The following CTNNA1 variants were observed in gnomAD, a reference collection of about 807,000 sequenced individuals.
The protein encoded by CTNNA1 is catenin alpha-1.
Under a neutral mutation model 98.4 loss-of-function variants are expected in CTNNA1, and 37 were observed. The ratio of observed to expected loss-of-function variants is 0.38; its 90% CI spans 0.29 to 0.49. CTNNA1 has a LOEUF of 0.49. Among genes scored for constraint, CTNNA1 ranks in the 20% least tolerant of loss-of-function variants. The probability of loss-of-function intolerance (pLI) is 0.95; values close to 1 mark genes in which losing one functional copy is unlikely to be tolerated. For synonymous variants in CTNNA1, 404 were observed against 413.2 expected (o/e 0.98, Z 0.27); for missense variants, 761 against 1,147.2 (o/e 0.66, Z 4.86).
At chr5:138,878,702 A>G (rs1004997290) in intron 7 of CTNNA1, among the ~76,000 whole-genome samples, 8 of 152,284 alleles carry the variant, frequency 5.3e-5, no homozygotes, top group Admixed American at 3.9e-4. Flanking sequence ...GGAGAAGCAA[A>G]TGTACAGATA....
intron 9 of CTNNA1, among the ~76,000 whole-genome samples, chr5:138,897,639 G>C (rs778211133): frequency 8.5e-5 from 13 of 152,086 alleles, no homozygotes; most frequent in Non-Finnish European, 1.3e-4. Context: ...AGCTGTCCTT[G>C]GGGAGAATGC....
At chr5:138,849,256 CCTCT>C (rs1487109353) in intron 7 of CTNNA1, among the ~76,000 whole-genome samples, 6 of 152,014 alleles carry the variant, frequency 3.9e-5, no homozygotes, top group Admixed American at 2.6e-4. Flanking sequence ...AGTTGTATTT[CCTCT>C]CTATTTTTTT....
intron 3 of CTNNA1, among the ~76,000 whole-genome samples, chr5:138,790,441 T>G (rs559856800): frequency 6.6e-6 from 1 of 152,364 alleles, no homozygotes; most frequent in South Asian, 2.1e-4. Flanking sequence ...TTTGTGTTCA[T>G]TAATCACACG....
intron 5 of CTNNA1, among the ~76,000 whole-genome samples, chr5:138,812,669 T>C (rs556834655): frequency 6.6e-6 from 1 of 152,218 alleles, no homozygotes; most frequent in Non-Finnish European, 1.5e-5. Flanking sequence ...ACTGGAATTA[T>C]CTCTGTATCA....
Position 138,934,103 on chromosome 5 carries a change from G to A in CTNNA1, c.*14G>A, listed in dbSNP as rs368604741. 1.1e-4 allele frequency: 179 copies of A among 1,601,706 alleles called. No homozygotes were observed. Among genetic ancestry groups the A allele is most frequent in the Non-Finnish European group, 1.4e-4 (163 of 1,174,068 alleles). ...GACAGCATCTAAGTCTGCCCAGGCCGGCCGCCCCCACCCCTCGGGGCTCCT... is the reference window on the plus strand; with the variant it reads ...GACAGCATCTAAGTCTGCCCAGGCCAGCCGCCCCCACCCCTCGGGGCTCCT... On this transcript the variant is annotated 3_prime_UTR_variant, in exon 18 of 18. Transcript: ENST00000302763.
intron 3 of CTNNA1, among the ~76,000 whole-genome samples, chr5:138,795,662 T>G (rs1250661038): frequency 6.6e-6 from 1 of 152,212 alleles, no homozygotes; most frequent in South Asian, 2.1e-4. Flanking sequence ...TGTTTTTTAC[T>G]CTGTAAAACA....
chr5:138,850,119 T>C (rs1385548662), intron 7 of CTNNA1, among the ~76,000 whole-genome samples: 1 of 152,248 alleles, frequency 6.6e-6, no homozygotes, highest in Admixed American at 6.5e-5. Flanking sequence ...TTTGTTTTTT[T>C]CCTCTAAAAC....
intron 3 of CTNNA1, among the ~76,000 whole-genome samples, chr5:138,809,289 TACGAAATGTAAAGAGGCCGTGTGTA>T (rs1340000909): frequency 1.3e-5 from 2 of 152,232 alleles, no homozygotes; most frequent in Non-Finnish European, 2.9e-5. Flanking sequence ...TTTTTATAAG[TACGAAATGTAAAGAGGCCGTGTGTA>T]ACCCAATGAT....
intron 1 of CTNNA1, among the ~76,000 whole-genome samples, chr5:138,776,795 G>T (rs1190916448): frequency 2.1e-5 from 3 of 143,560 alleles, no homozygotes; most frequent in Non-Finnish European, 4.6e-5. Flanking sequence ...CTGGCCAGGC[G>T]GGGGGCTGAC....
At chr5:138,852,748 G>A (rs963307266) in intron 7 of CTNNA1, among the ~76,000 whole-genome samples, 1 of 151,248 alleles carries the variant, frequency 6.6e-6, no homozygotes, top group South Asian at 2.1e-4. Context: ...CCTTCTACCC[G>A]CCTCTCTCCA....
intron 6 of CTNNA1, among the ~76,000 whole-genome samples, chr5:138,825,417 G>A (rs768512431): frequency 2.8e-5 from 4 of 145,266 alleles, no homozygotes; most frequent in Non-Finnish European, 6.0e-5. Flanking sequence ...ACTTTTTGGT[G>A]GGTTATGTGT....
At chr5:138,765,947 CAAA>C (rs1026779147) in intron 1 of CTNNA1, among the ~76,000 whole-genome samples, 205 of 48,468 alleles carry the variant, frequency 4.2e-3, no homozygotes, top group African/African-American at 0.011. Flanking sequence ...GACTCTGTCT[CAAA>C]AAAAAAAAAA....
At chr5:138,893,999 G>T (rs1040945256) in intron 9 of CTNNA1, among the ~76,000 whole-genome samples, 3 of 151,684 alleles carry the variant, frequency 2.0e-5, no homozygotes, top group African/African-American at 4.8e-5. Context: ...CTCACTGCAG[G>T]CTTCGCCTCC....
chr5:138,755,845 C>CTGTTTTTTTTT (rs1751579732), intron 1 of CTNNA1, among the ~76,000 whole-genome samples: 1 of 58,448 alleles, frequency 1.7e-5, no homozygotes, highest in Non-Finnish European at 3.1e-5. Context: ...GGATTTCCTT[C>CTGTTTTTTTTT]TTTTTTTTTT....
chr5:138,931,597 A>T, intron 16 of CTNNA1: 1 of 985,418 alleles, frequency 1.0e-6, no homozygotes, highest in South Asian at 4.7e-5. Context: ...TATTGCTTCC[A>T]TTGGCCAAAT....
At chr5:138,786,205 C>T (rs1295489109) in intron 3 of CTNNA1, among the ~76,000 whole-genome samples, 1 of 152,132 alleles carries the variant, frequency 6.6e-6, no homozygotes, top group African/African-American at 2.4e-5. Context: ...GAGCCAAAAC[C>T]AAAATATAAC....
intron 9 of CTNNA1, among the ~76,000 whole-genome samples, chr5:138,889,556 C>T (rs1024614480): frequency 6.6e-5 from 10 of 152,146 alleles, no homozygotes; most frequent in Middle Eastern, 3.2e-3. Flanking sequence ...GGAGACCTTG[C>T]TCCAGGAGCT....
intron 7 of CTNNA1, among the ~76,000 whole-genome samples, chr5:138,876,603 T>C (rs1334835564): frequency 2.0e-5 from 3 of 152,242 alleles, no homozygotes; most frequent in Non-Finnish European, 4.4e-5. Context: ...CATTGGCACT[T>C]ACCCTTTGTG....
At chr5:138,933,321 T>A (rs1365953213) in intron 17 of CTNNA1, among the ~76,000 whole-genome samples, 1 of 151,944 alleles carries the variant, frequency 6.6e-6, no homozygotes, top group Non-Finnish European at 1.5e-5. Flanking sequence ...AAAGAAGAGG[T>A]TTGCTGAGTG....
Sources: gnomAD v4.1 joint callset for allele counts (sites outside exome capture counted in the v4.1 genomes callset) on GRCh38, gnomAD v4.1.1 for gene constraint, MANE v1.5 for transcripts, NCBI Gene and HGNC (gene_info 2026-07-23, HGNC 2026-07-21) for gene names.